CCDC7: variants seen among roughly 807,000 people sequenced by gnomAD.
The protein encoded by CCDC7 is coiled-coil domain containing 7, also known as coiled-coil domain-containing protein 7.
Under a neutral mutation model 196.9 loss-of-function variants are expected in CCDC7, and 183 were observed. The ratio of observed to expected loss-of-function variants is 0.93; its 90% CI spans 0.82 to 1.05. CCDC7 has a LOEUF of 1.05. Among genes scored for constraint, CCDC7 ranks in the 50% least tolerant of loss-of-function variants. The probability of loss-of-function intolerance (pLI) is 0.00; values close to 1 mark genes in which losing one functional copy is unlikely to be tolerated. For synonymous variants in CCDC7, 525 were observed against 484.6 expected, an observed-to-expected ratio of 1.08 and a Z score of -1.10; for missense variants, 1,540 against 1,482.2, an observed-to-expected ratio of 1.04 and a Z score of -0.64.
chr10:32,451,769 T>C, exon 1 of CCDC7: 1 of 1,614,122 alleles, frequency 6.2e-7, no homozygotes, highest in Non-Finnish European at 8.5e-7. Flanking sequence ...TAATGCAAAA[T>C]TAATTCATGA....
At chr10:32,677,882 C>T (rs2140957622) in intron 21 of CCDC7, among the ~76,000 whole-genome samples, 1 of 152,110 alleles carries the variant, frequency 6.6e-6, no homozygotes, top group African/African-American at 2.4e-5. Flanking sequence ...TATAGGATTT[C>T]TTCACTCTTT....
At chr10:32,855,204 GTT>G (rs34544892) in intron 41 of CCDC7, among the ~76,000 whole-genome samples, 28 of 146,656 alleles carry the variant, frequency 1.9e-4, no homozygotes, top group South Asian at 4.3e-4. Flanking sequence ...AAAAATGTAA[GTT>G]TTTTTTTTTT....
At chr10:32,764,847 C>T (rs945065165) in intron 28 of CCDC7, among the ~76,000 whole-genome samples, 1 of 151,910 alleles carries the variant, frequency 6.6e-6, no homozygotes, top group African/African-American at 2.4e-5. Flanking sequence ...TCTCAGAGGC[C>T]AAGTGGTGGC....
intron 30 of CCDC7, 146 bp downstream of exon 31, chr10:32,805,244 T>G: frequency 1.6e-6 from 1 of 611,072 alleles, no homozygotes; most frequent in East Asian, 2.7e-5. Context: ...TTGGTTTTAC[T>G]CTAGAACATA....
intron 8 of CCDC7, 39 bp downstream of exon 9, chr10:32,474,062 C>T: frequency 6.3e-7 from 1 of 1,585,746 alleles, no homozygotes; most frequent in Non-Finnish European, 8.6e-7. Flanking sequence ...GTGATAATAA[C>T]CTCTGTTACA....
intron 28 of CCDC7, among the ~76,000 whole-genome samples, chr10:32,773,765 G>T (rs2079534347): frequency 6.6e-6 from 1 of 152,052 alleles, no homozygotes. Flanking sequence ...TTATGTTGAT[G>T]CCTGCACATT....
At chr10:32,836,173 G>A (rs1027704400) in intron 33 of CCDC7, among the ~76,000 whole-genome samples, 7 of 151,982 alleles carry the variant, frequency 4.6e-5, no homozygotes, top group Non-Finnish European at 8.8e-5. Context: ...AGAGAAATAC[G>A]GGAAAGAGGC....
chr10:32,499,921 TAAGGTTATAGATTAACAGCATCCC>T, intron 9 of CCDC7, among the ~76,000 whole-genome samples: 1 of 152,232 alleles, frequency 6.6e-6, no homozygotes, highest in South Asian at 2.1e-4. Flanking sequence ...GGGTTGGGGG[TAAGGTTATAGATTAACAGCATCCC>T]AAGGCAGAAG....
At chr10:32,817,970 C>T (rs1268485609) in intron 31 of CCDC7, among the ~76,000 whole-genome samples, 2 of 152,136 alleles carry the variant, frequency 1.3e-5, no homozygotes, top group East Asian at 3.9e-4. Context: ...ATGACATGAT[C>T]AAATCCACAC....
intron 41 of CCDC7, among the ~76,000 whole-genome samples, chr10:32,870,311 C>T (rs1593669185): frequency 2.0e-5 from 3 of 152,148 alleles, no homozygotes; most frequent in African/African-American, 7.2e-5. Flanking sequence ...AGAGGTCCTT[C>T]ACATCCCTTA....
Position 32,752,871 on chromosome 10 carries a change from A to AT in CCDC7, c.2905+23422dup, listed in dbSNP as rs200465438. ...AACTTTCCATATTTGTTATTATGTA[A>AT]TTTTTTTTCCTGAGGTTTTTGAGTT... On this transcript the variant is annotated intron_variant, in intron 28 of 41. Coordinates refer to ENST00000639629, the Ensembl canonical transcript of CCDC7. Among the ~76,000 whole-genome samples, 296 of 151,840 alleles carry AT rather than the reference A, an allele frequency of 1.9e-3. 3 individuals are homozygous for AT. Among genetic ancestry groups the AT allele is most frequent in the African/African-American group, 6.8e-3 (282 of 41,416 alleles).
chr10:32,454,815 G>T (rs569913389), intron 2 of CCDC7, among the ~76,000 whole-genome samples: 5 of 151,946 alleles, frequency 3.3e-5, no homozygotes, highest in African/African-American at 1.2e-4. Flanking sequence ...CTAATCTGTG[G>T]CCACCACCTC....
At chr10:32,686,179 A>G in intron 22 of CCDC7, 99 bp downstream of exon 23, 1 of 593,018 alleles carries the variant, frequency 1.7e-6, no homozygotes, top group Non-Finnish European at 2.9e-6. Context: ...CAGAAATTTT[A>G]CCTTGAACCT....
chr10:32,487,633 T>A (rs2041391588), intron 8 of CCDC7, among the ~76,000 whole-genome samples: 4 of 152,222 alleles, frequency 2.6e-5, no homozygotes, highest in Admixed American at 2.6e-4. Flanking sequence ...CCTTTGGTCT[T>A]TGATGATGGT....
Position 32,462,971 on chromosome 10 carries a change from A to G in CCDC7, c.478-46A>G, listed in dbSNP as rs1464465391. 2.5e-6 allele frequency: 4 copies of G among 1,610,948 alleles called. No individual in the cohort carries two copies. In the African/African-American group the frequency reaches 5.3e-5, roughly 22 times the overall value. On this transcript the variant is annotated intron_variant, in intron 4 of 41. Transcript: ENST00000639629. Reference sequence around the variant, plus strand: ...GATATTTATTTCATCAGTGCAATTTAAGTAGTCACTATTTCTTTTTTTGTC... The same window carrying G: ...GATATTTATTTCATCAGTGCAATTTGAGTAGTCACTATTTCTTTTTTTGTC...
intron 9 of CCDC7, chr10:32,511,764 C>T (rs2046250230): frequency 5.3e-6 from 8 of 1,496,376 alleles, no homozygotes; most frequent in Non-Finnish European, 6.5e-6. Context: ...CGGCCTTCGA[C>T]TCCAGCCTCC....
In CCDC7 at chr10:32,582,592, G is replaced by A. The variant is rs543329341; in HGVS notation, c.1455-442G>A. On this transcript the variant is annotated intron_variant, in intron 16 of 41. Transcript: ENST00000639629. Reference sequence around the variant, plus strand: ...TTATCTTAAAGAAAACTAACTCAGAGCTTGGGAAATTGACTTTGGTGAAAG... The same window carrying A: ...TTATCTTAAAGAAAACTAACTCAGAACTTGGGAAATTGACTTTGGTGAAAG... Among the ~76,000 whole-genome samples, 6 of 152,206 alleles carry A rather than the reference G, an allele frequency of 3.9e-5. No individual in the cohort carries two copies. In the South Asian group the frequency reaches 1.0e-3, roughly 26 times the overall value.
chr10:32,576,497 C>T (rs1022820444), intron 16 of CCDC7, among the ~76,000 whole-genome samples: 3 of 150,856 alleles, frequency 2.0e-5, no homozygotes, highest in Non-Finnish European at 4.4e-5. Flanking sequence ...AAAAAGGCTG[C>T]CTTAAATGGC....
At chr10:32,811,451 G>T (rs1035796391) in intron 30 of CCDC7, among the ~76,000 whole-genome samples, 2 of 152,034 alleles carry the variant, frequency 1.3e-5, no homozygotes, top group Admixed American at 1.3e-4. Context: ...GAATTAAGAA[G>T]AAATAGAAAA....
Sources: allele counts gnomAD v4.1 joint callset (sites outside exome capture counted in the v4.1 genomes callset), GRCh38; gene constraint gnomAD v4.1.1; transcripts MANE v1.5; gene names NCBI Gene and HGNC (gene_info 2026-07-23, HGNC 2026-07-21).